ACAA1: variants seen among roughly 807,000 people sequenced by gnomAD.
ACAA1 encodes 3-ketoacyl-CoA thiolase, peroxisomal.
A neutral mutation model predicts 48.8 loss-of-function variants in ACAA1; 44 were observed. The ratio of observed to expected loss-of-function variants is 0.90; its 90% CI spans 0.71 to 1.16. ACAA1 has a LOEUF of 1.16. Among genes scored for constraint, ACAA1 ranks in the 50% most tolerant of loss-of-function variants. The pLI is 0.00. For missense variants in ACAA1, 512 were observed against 562.3 expected (o/e 0.91, Z 0.90); for synonymous variants, 233 against 226.5 (o/e 1.03, Z -0.26).
In ACAA1 at chr3:38,126,033, G is replaced by T; in HGVS notation, c.997+129C>A. On this transcript the variant is annotated intron_variant, in intron 9 of 11. Transcript: ENST00000333167. This position sits in a 1 kb window ranked among gnomAD's most constrained non-coding sequence, Gnocchi z 4.7. ...TGGGGTCAGGAAGGGCTTGAAGTAT[G>T]GGACACTAGCCTGCCCCACCTCCAC... is the stretch of plus-strand genomic sequence containing the variant. 1.4e-6 allele frequency: 2 copies of T among 1,446,892 alleles called. No individual in the cohort carries two copies. Among genetic ancestry groups the T allele is most frequent in the Non-Finnish European group, 9.5e-7 (1 of 1,051,058 alleles). 89.6% of individuals were successfully genotyped at this position (1,446,892 alleles called of 1,614,324 possible). A position where few individuals can be genotyped will look rare whatever the true frequency, so the allele number is the denominator to read the frequency against.
chr3:38,124,324 G>A (rs1700626137), intron 11 of ACAA1: 1 of 152,152 alleles, frequency 6.6e-6, no homozygotes, highest in Non-Finnish European at 1.5e-5. Flanking sequence ...AAAACTGATA[G>A]AGCCAGGCAC....
chr3:38,131,497 T>TG lies in ACAA1; in HGVS notation c.446+98dup, dbSNP rs916761244. On this transcript the variant is annotated intron_variant, in intron 5 of 11. Transcript: ENST00000333167. The stretch of plus-strand genomic sequence containing the variant: ...CTCGTGGCCAGCTGCCTAAAGGGGA[T>TG]GGGGGGAATCCTGAAATCATGGCCT... 9.9e-6 allele frequency: 13 copies of TG among 1,307,064 alleles called. No homozygotes were observed. In the African/African-American group the frequency reaches 1.5e-4, roughly 15 times the overall value. 81.0% of individuals were successfully genotyped at this position (1,307,064 alleles called of 1,614,324 possible). A position where few individuals can be genotyped will look rare whatever the true frequency, so the allele number is the denominator to read the frequency against.
chr3:38,133,941 G>C lies in ACAA1; in HGVS notation c.323+11C>G. On this transcript the variant is annotated intron_variant, in intron 3 of 11. Coordinates refer to ENST00000333167, the MANE Select transcript of ACAA1 (RefSeq NM_001607.4). Reference sequence around the variant, plus strand: ...AATGGCCAACCCATGGCTAGAACTAGAAAAGTTTACCTCAGAAACTGGGCG... The same window carrying C: ...AATGGCCAACCCATGGCTAGAACTACAAAAGTTTACCTCAGAAACTGGGCG... The C allele has an allele frequency of 8.1e-6, 13 of 1,614,136 alleles. No individual in the cohort carries two copies. Among genetic ancestry groups the C allele is most frequent in the Non-Finnish European group, 1.1e-5 (13 of 1,179,990 alleles).
At chr3:38,128,600 T>C (rs1700725192) in intron 6 of ACAA1, among the ~76,000 whole-genome samples, 1 of 152,166 alleles carries the variant, frequency 6.6e-6, no homozygotes, top group African/African-American at 2.4e-5. Context: ...CTTTTCTTTT[T>C]TTCTTTTTTG....
In ACAA1 at chr3:38,126,181, T is replaced by C. The variant is rs986401270; in HGVS notation, c.978A>G (p.Pro326=). ...IMGIGPAYAI[P]VALQKAGLTV... is the part of the protein sequence containing the mutation. Reference sequence around the variant, plus strand: ...CCTTACCTGCTTTTTGCAAAGCTACTGGGATGGCATAGGCAGGTCCAATGC... The same window carrying C: ...CCTTACCTGCTTTTTGCAAAGCTACCGGGATGGCATAGGCAGGTCCAATGC... The change falls in exon 9 of 12, where the codon CCA becomes CCG. Residue 326 remains proline, a synonymous_variant. Coordinates refer to ENST00000333167, the MANE Select transcript of ACAA1 (RefSeq NM_001607.4). The surrounding 1 kb of genome is among the most constrained non-coding windows in gnomAD (Gnocchi z 4.7). The C allele has an allele frequency of 3.1e-6, 5 of 1,613,848 alleles. No individual in the cohort carries two copies. Among genetic ancestry groups the C allele is most frequent in the African/African-American group, 2.7e-5 (2 of 74,916 alleles).
Position 38,126,164 on chromosome 3 carries a change from G to A in ACAA1, c.995C>T (p.Ala332Val). The A allele has an allele frequency of 6.2e-7, 1 of 1,613,366 alleles. No individual in the cohort carries two copies. Among genetic ancestry groups the A allele is most frequent in the Non-Finnish European group, 8.5e-7 (1 of 1,179,582 alleles). ...AYAIPVALQK[A>V]GLTVSDVDIF... ...ACTATATGAAGGAGCCACCTTACCT[G>A]CTTTTTGCAAAGCTACTGGGATGGC... is the stretch of plus-strand genomic sequence containing the variant. The change falls in exon 9 of 12, where the codon GCA (alanine) becomes GTA (valine). Residue 332 changes from alanine to valine, a missense_variant and splice_region_variant. By Grantham distance (64) the Ala-to-Val change is moderately conservative. Transcript: ENST00000333167. This position sits in a 1 kb window ranked among gnomAD's most constrained non-coding sequence, Gnocchi z 4.7.
At chr3:38,123,281 G>A (rs920313806) in intron 11 of ACAA1, 159 bp from the exon 12 acceptor site, 22 of 654,986 alleles carry the variant, frequency 3.4e-5, no homozygotes, top group Admixed American at 1.4e-4. Context: ...GCACACACAC[G>A]GTGACAGATG....
intron 2 of ACAA1, among the ~76,000 whole-genome samples, chr3:38,135,742 C>T (rs192683808): frequency 4.3e-4 from 65 of 152,194 alleles, no homozygotes; most frequent in Non-Finnish European, 7.5e-4. Context: ...AAGCAGGAGA[C>T]AGATGCTTTC....
chr3:38,128,337 A>G (rs951888834), intron 6 of ACAA1, among the ~76,000 whole-genome samples: 6 of 152,196 alleles, frequency 3.9e-5, no homozygotes, highest in Admixed American at 2.0e-4. Context: ...GCCAAACCTA[A>G]GCTTCCTGGT....
chr3:38,127,731 G>T (rs1700706386), intron 7 of ACAA1, 55 bp downstream of exon 7: 1 of 1,573,530 alleles, frequency 6.4e-7, no homozygotes, highest in South Asian at 1.1e-5. Flanking sequence ...CACTTAGATA[G>T]ACTCAAAACC....
rs189086293 is a variant in ACAA1 at position 38,130,105 on chromosome 3, C to T, written c.447-717G>A. The stretch of plus-strand genomic sequence containing the variant: ...AAGCTGAGCTCAAAGGGCATTCAGA[C>T]CTGCATAGACAAGGAAGTGCTACGA... On this transcript the variant is annotated intron_variant, in intron 5 of 11. Coordinates refer to ENST00000333167, the MANE Select transcript of ACAA1 (RefSeq NM_001607.4). 2.6e-5 allele frequency among the ~76,000 whole-genome samples: 4 copies of T among 152,276 alleles called. No homozygotes were observed. The East Asian group carries it at 7.7e-4, about 29-fold the overall frequency.
At chr3:38,123,324 G>C in intron 11 of ACAA1, 1 of 581,596 alleles carries the variant, frequency 1.7e-6, no homozygotes, top group Non-Finnish European at 3.1e-6. Flanking sequence ...TTCAAGGCTG[G>C]CCCTTAAGGA....
chr3:38,128,765 G>A (rs1700729003), intron 6 of ACAA1, among the ~76,000 whole-genome samples: 1 of 152,064 alleles, frequency 6.6e-6, no homozygotes, highest in African/African-American at 2.4e-5. Flanking sequence ...CTAATTTTTT[G>A]TATTTTCAGT....
rs1700788186 is a variant in ACAA1, at chr3:38,131,509, T to C, written c.446+87A>G. 33 of 1,439,934 alleles carry C rather than the reference T, an allele frequency of 2.3e-5. No individual in the cohort carries two copies. In the South Asian group the frequency reaches 3.8e-4, roughly 16 times the overall value. The allele number at this position is 1,439,934 out of a possible 1,614,324, so 89.2% of individuals were successfully genotyped here. On this transcript the variant is annotated intron_variant, in intron 5 of 11. Transcript: ENST00000333167. ...TGCCTAAAGGGGATGGGGGGAATCC[T>C]GAAATCATGGCCTCTGAGAACTCAG...
intron 1 of ACAA1, 62 bp from the exon 2 acceptor site, chr3:38,136,747 A>G (rs1700907106): frequency 6.6e-7 from 1 of 1,515,658 alleles, no homozygotes; most frequent in South Asian, 1.3e-5. Flanking sequence ...AGGGAGACAA[A>G]GCGACCACAG....
chr3:38,127,679 C>T, intron 7 of ACAA1, 107 bp downstream of exon 7: 1 of 1,174,166 alleles, frequency 8.5e-7, no homozygotes, highest in South Asian at 1.3e-5. Flanking sequence ...CTGGAAAGCA[C>T]TCACTGCCCA....
intron 6 of ACAA1, 114 bp from the exon 7 acceptor site, chr3:38,127,980 A>ACATCCTGTCC: frequency 4.2e-6 from 4 of 954,662 alleles, no homozygotes; most frequent in Non-Finnish European, 6.8e-6. Context: ...GCAGGACAGG[A>ACATCCTGTCC]TGTAAGGGCC....
chr3:38,133,999 C>T lies in ACAA1; in HGVS notation c.276G>A (p.Leu92=), dbSNP rs1433820634. The T allele has an allele frequency of 6.2e-7, 1 of 1,613,758 alleles. No individual in the cohort carries two copies. The highest frequency in any genetic ancestry group is 8.5e-7 in the Non-Finnish European group (1 of 1,179,792). ...CCATGATTGCCCCGGCCCCAGGCTG[C>T]AGCACATTTCCTGTGGACAACAAAC... ...QLGDICVGNV[L]QPGAGAIMAR... The change falls in exon 3 of 12, where the codon CTG becomes CTA. Residue 92 remains leucine, a synonymous_variant. Transcript: ENST00000333167.
At position 38,129,472 on chromosome 3, in the gene ACAA1, T is replaced by C. The variant is rs377110398; in HGVS notation, c.447-84A>G. 1.8e-6 allele frequency: 2 copies of C among 1,119,306 alleles called. No homozygotes were observed. The highest frequency in any genetic ancestry group is 2.4e-5 in the East Asian group (1 of 41,346). 69.3% of individuals were successfully genotyped at this position (1,119,306 alleles called of 1,614,324 possible). The stretch of plus-strand genomic sequence containing the variant: ...CAGAGATAGCTGAACACTTGGCAAG[T>C]GCTAGGAAATAGCCAGGGAGCCCTA... On this transcript the variant is annotated intron_variant, in intron 5 of 11. Transcript: ENST00000333167. This position sits in a 1 kb window ranked among gnomAD's most constrained non-coding sequence, Gnocchi z 5.3.
Sources: allele counts gnomAD v4.1 joint callset (sites outside exome capture counted in the v4.1 genomes callset), GRCh38; gene constraint gnomAD v4.1.1; non-coding constraint Gnocchi (gnomAD v3.1); transcripts MANE v1.5; gene names NCBI Gene and HGNC (gene_info 2026-07-23, HGNC 2026-07-21).